The following WWOX variants were observed in gnomAD, a reference collection of about 807,000 sequenced individuals.
WWOX encodes the protein WW domain containing oxidoreductase.
In WWOX, 69 loss-of-function variants were observed where a neutral mutation model predicts 46.2. The observed-to-expected ratio is 1.49, with a 90% CI of 1.23 to 1.82. The LOEUF (loss-of-function observed/expected upper bound fraction) is 1.82, where lower values mean the gene tolerates loss of function less well. Among genes scored for constraint, WWOX ranks in the 40% most tolerant of loss-of-function variants. The pLI is 0.00. For synonymous variants in WWOX, 359 were observed against 202.6 expected (o/e 1.77, Z -6.56); for missense variants, 919 against 542.6 (o/e 1.69, Z -6.89).
At chr16:78,534,808 C>T (rs12446751) in intron 8 of WWOX, among the ~76,000 whole-genome samples, 2,143 of 152,102 alleles carry the variant, frequency 0.014, 23 homozygotes, top group African/African-American at 0.027. Flanking sequence ...CTCCCGGGTT[C>T]AAGCGATTCC....
chr16:78,288,381 T>C (rs1250269914), intron 5 of WWOX, among the ~76,000 whole-genome samples: 2 of 151,912 alleles, frequency 1.3e-5, no homozygotes, highest in African/African-American at 4.8e-5. Context: ...GTCATAAAAG[T>C]AACATTAGAC....
chr16:78,366,887 T>G (rs4888795), intron 5 of WWOX, among the ~76,000 whole-genome samples: 76,523 of 151,396 alleles, frequency 0.51, 21,025 homozygotes, highest in Non-Finnish European at 0.62. Flanking sequence ...TTTTCAAACT[T>G]GCTTAATCCA....
At chr16:78,782,619 C>G (rs142770725) in intron 8 of WWOX, among the ~76,000 whole-genome samples, 2 of 152,024 alleles carry the variant, frequency 1.3e-5, no homozygotes, top group Non-Finnish European at 2.9e-5. Flanking sequence ...AATGCAGGCT[C>G]CATTAACCTT....
At chr16:78,695,616 C>CTT (rs2048082554) in intron 8 of WWOX, among the ~76,000 whole-genome samples, 1 of 152,118 alleles carries the variant, frequency 6.6e-6, no homozygotes, top group African/African-American at 2.4e-5. Flanking sequence ...AAGTCGGAGT[C>CTT]TTTGTGGAAA....
At chr16:79,192,632 G>A (rs986517628) in intron 8 of WWOX, among the ~76,000 whole-genome samples, 2 of 152,158 alleles carry the variant, frequency 1.3e-5, no homozygotes, top group Non-Finnish European at 2.9e-5. Flanking sequence ...GATTTGTGTG[G>A]CCCTATGCTT....
chr16:78,443,476 C>T (rs1422029019), intron 8 of WWOX, among the ~76,000 whole-genome samples: 1 of 152,090 alleles, frequency 6.6e-6, no homozygotes, highest in Non-Finnish European at 1.5e-5. Flanking sequence ...AAACATTGGC[C>T]ACTTTCTTGT....
chr16:79,116,614 C>T (rs1007558217), intron 8 of WWOX, among the ~76,000 whole-genome samples: 2 of 152,140 alleles, frequency 1.3e-5, no homozygotes, highest in South Asian at 4.2e-4. Flanking sequence ...ACTTCTAACT[C>T]GAGTTCTCTT....
At chr16:78,823,781 A>AT (rs11417162) in intron 8 of WWOX, among the ~76,000 whole-genome samples, 79,316 of 147,610 alleles carry the variant, frequency 0.54, 21,125 homozygotes, top group Middle Eastern at 0.62. Context: ...TAGACTTGTT[A>AT]TTTTTTTTTT....
intron 6 of WWOX, 65 bp downstream of exon 6, chr16:78,387,013 A>C: frequency 6.7e-7 from 1 of 1,494,452 alleles, no homozygotes; most frequent in African/African-American, 1.4e-5. Context: ...TTATCAGATG[A>C]ACACAATTGG....
At chr16:79,198,276 T>A (rs1182104726) in intron 8 of WWOX, among the ~76,000 whole-genome samples, 1 of 152,076 alleles carries the variant, frequency 6.6e-6, no homozygotes, top group African/African-American at 2.4e-5. Flanking sequence ...AGGCGGAGGT[T>A]GATGTAAGCC....
chr16:78,843,248 C>T (rs1044929914), intron 8 of WWOX, among the ~76,000 whole-genome samples: 2 of 150,148 alleles, frequency 1.3e-5, no homozygotes, highest in South Asian at 2.2e-4. Flanking sequence ...CCAGATCCTT[C>T]ATGAGCTTGT....
At chr16:78,849,686 C>T (rs2052393028) in intron 8 of WWOX, among the ~76,000 whole-genome samples, 1 of 151,858 alleles carries the variant, frequency 6.6e-6, no homozygotes, top group Non-Finnish European at 1.5e-5. Context: ...ATGGTTGTTT[C>T]CCTCCCTAGA....
At chr16:78,782,754 C>A (rs895031456) in intron 8 of WWOX, among the ~76,000 whole-genome samples, 40 of 147,732 alleles carry the variant, frequency 2.7e-4, no homozygotes, top group African/African-American at 1.0e-3. Context: ...TACATCATTA[C>A]AGAAGTCTCA....
rs2044882931 is a variant in WWOX at position 78,576,475 on chromosome 16, G to A, written c.1056+143723G>A. 2.0e-5 allele frequency among the ~76,000 whole-genome samples: 3 copies of A among 152,300 alleles called. No homozygotes were observed. The South Asian group carries it at 6.2e-4, about 32-fold the overall frequency. On this transcript the variant is annotated intron_variant, in intron 8 of 8. Coordinates refer to ENST00000566780, the MANE Select transcript of WWOX (RefSeq NM_016373.4). ...TGGATCCTTCATTCTTCATGAGGCT[G>A]ATGTTTTTCCATTTCGGTTTCCTTA...
At chr16:78,883,058 G>A (rs911680646) in intron 8 of WWOX, among the ~76,000 whole-genome samples, 1 of 152,176 alleles carries the variant, frequency 6.6e-6, no homozygotes, top group Non-Finnish European at 1.5e-5. Context: ...CACCTTAGCG[G>A]TTCGCCTTTC....
chr16:79,121,919 C>T (rs1214486300), intron 8 of WWOX, among the ~76,000 whole-genome samples: 1 of 152,106 alleles, frequency 6.6e-6, no homozygotes, highest in Non-Finnish European at 1.5e-5. Flanking sequence ...ATCCAGCCCC[C>T]AGCCCCAGTA....
At chr16:78,514,501 C>G (rs17706655) in intron 8 of WWOX, among the ~76,000 whole-genome samples, 6,773 of 152,192 alleles carry the variant, frequency 0.045, 211 homozygotes, top group Middle Eastern at 0.068. Context: ...TGAAGTGGTC[C>G]TAATCTGCGG....
intron 8 of WWOX, among the ~76,000 whole-genome samples, chr16:78,570,910 G>T (rs994810212): frequency 5.3e-5 from 8 of 152,178 alleles, no homozygotes; most frequent in African/African-American, 1.9e-4. Context: ...AGCTGGCAGT[G>T]TGAATAGCCA....
intron 5 of WWOX, among the ~76,000 whole-genome samples, chr16:78,171,218 C>T (rs182098145): frequency 9.2e-4 from 140 of 152,216 alleles, no homozygotes; most frequent in Non-Finnish European, 1.5e-3. Flanking sequence ...GGGAAACTGC[C>T]GCATCCTGTG....
Sources: allele counts gnomAD v4.1 joint callset (sites outside exome capture counted in the v4.1 genomes callset), GRCh38; gene constraint gnomAD v4.1.1; transcripts MANE v1.5; gene names NCBI Gene and HGNC (gene_info 2026-07-23, HGNC 2026-07-21).